DLG2: variants seen among roughly 807,000 people sequenced by gnomAD.
DLG2 encodes disks large homolog 2.
In DLG2, 45 loss-of-function variants were observed where a neutral mutation model predicts 132.5. The ratio of observed to expected loss-of-function variants is 0.34; its 90% CI spans 0.27 to 0.44. The LOEUF is 0.44. Among genes scored for constraint, DLG2 ranks in the 20% least tolerant of loss-of-function variants. DLG2 has a pLI of 1.00. For missense variants in DLG2, 1,045 were observed against 1,196.9 expected, an observed-to-expected ratio of 0.87 and a Z score of 1.87; for synonymous variants, 424 against 419.6, an observed-to-expected ratio of 1.01 and a Z score of -0.13.
chr11:85,416,513 A>C (rs920597470), intron 3 of DLG2, among the ~76,000 whole-genome samples: 1 of 152,172 alleles, frequency 6.6e-6, no homozygotes, highest in African/African-American at 2.4e-5. Flanking sequence ...ATAGCATTGA[A>C]TCTGTAAGTA....
intron 3 of DLG2, among the ~76,000 whole-genome samples, chr11:85,475,252 C>G (rs2093105617): frequency 2.0e-5 from 3 of 151,608 alleles, no homozygotes; most frequent in Admixed American, 6.6e-5. Context: ...CAAGATAAAA[C>G]AGAGCAAAAC....
intron 6 of DLG2, among the ~76,000 whole-genome samples, chr11:84,643,364 G>A (rs1027349986): frequency 3.3e-5 from 5 of 152,184 alleles, no homozygotes; most frequent in African/African-American, 9.7e-5. Context: ...AGAGAGAGCA[G>A]TTATAACCAT....
chr11:85,610,776 G>C (rs1470976560), intron 2 of DLG2, among the ~76,000 whole-genome samples: 1 of 152,198 alleles, frequency 6.6e-6, no homozygotes, highest in African/African-American at 2.4e-5. Flanking sequence ...CTTAATCTTA[G>C]CCAGAGGGGC....
At chr11:85,246,211 G>A (rs2076128298) in intron 4 of DLG2, among the ~76,000 whole-genome samples, 2 of 151,720 alleles carry the variant, frequency 1.3e-5, no homozygotes, top group Non-Finnish European at 2.9e-5. Context: ...AAATATTGAA[G>A]AACTCAAAAA....
chr11:84,068,623 A>G (rs79393914), intron 10 of DLG2, among the ~76,000 whole-genome samples: 3,877 of 152,336 alleles, frequency 0.025, 162 homozygotes, highest in African/African-American at 0.088. Flanking sequence ...ATAAACACAT[A>G]CATTTTAGTA....
chr11:83,673,963 C>T (rs2077269385), intron 18 of DLG2, among the ~76,000 whole-genome samples: 2 of 152,232 alleles, frequency 1.3e-5, no homozygotes, highest in African/African-American at 4.8e-5. Context: ...TCAAATATCT[C>T]CTTTACCACT....
intron 7 of DLG2, among the ~76,000 whole-genome samples, chr11:84,415,034 C>T (rs996315129): frequency 1.3e-5 from 2 of 152,078 alleles, no homozygotes; most frequent in Non-Finnish European, 2.9e-5. Flanking sequence ...TCCTGAATTC[C>T]TCTAGCAAGG....
At chr11:84,995,524 C>T (rs1437203355) in intron 6 of DLG2, among the ~76,000 whole-genome samples, 1 of 152,298 alleles carries the variant, frequency 6.6e-6, no homozygotes, top group East Asian at 1.9e-4. Context: ...CGTGGCCTTG[C>T]ATGTCTTCTT....
At chr11:84,117,491 C>G (rs2154198164) in intron 9 of DLG2, among the ~76,000 whole-genome samples, 1 of 152,316 alleles carries the variant, frequency 6.6e-6, no homozygotes, top group Admixed American at 6.5e-5. Context: ...CCAACTCCTA[C>G]TTATAGATTC....
At chr11:84,587,729 T>G (rs1438234184) in intron 6 of DLG2, among the ~76,000 whole-genome samples, 1 of 152,214 alleles carries the variant, frequency 6.6e-6, no homozygotes, top group African/African-American at 2.4e-5. Context: ...AAAATACTCC[T>G]AGAATTTAGC....
At chr11:85,393,167 T>C (rs1400253333) in intron 3 of DLG2, among the ~76,000 whole-genome samples, 2 of 152,050 alleles carry the variant, frequency 1.3e-5, no homozygotes, top group Non-Finnish European at 1.5e-5. Context: ...GCAAAGGACA[T>C]GAATAAATAA....
At chr11:84,094,801 G>T (rs980552183) in intron 10 of DLG2, among the ~76,000 whole-genome samples, 1 of 152,028 alleles carries the variant, frequency 6.6e-6, no homozygotes, top group Non-Finnish European at 1.5e-5. Context: ...AATTTTGGGA[G>T]GATACAAATA....
At chr11:85,417,816 T>C (rs1417528635) in intron 3 of DLG2, among the ~76,000 whole-genome samples, 1 of 152,190 alleles carries the variant, frequency 6.6e-6, no homozygotes. Context: ...ATTGTGTCTA[T>C]TATATTCTTC....
chr11:85,589,013 G>A (rs1017819408), intron 3 of DLG2, among the ~76,000 whole-genome samples: 13 of 152,140 alleles, frequency 8.5e-5, no homozygotes, highest in Non-Finnish European at 1.9e-4. Flanking sequence ...ACAGTCCTGT[G>A]ATGCGATCCA....
intron 17 of DLG2, among the ~76,000 whole-genome samples, chr11:83,809,473 A>G (rs2046725528): frequency 6.6e-6 from 1 of 152,170 alleles, no homozygotes; most frequent in Admixed American, 6.5e-5. Flanking sequence ...TTCAAAATCC[A>G]CTTGTTCCTG....
chr11:84,633,610 T>A (rs1023482725), intron 6 of DLG2, among the ~76,000 whole-genome samples: 9 of 146,640 alleles, frequency 6.1e-5, no homozygotes, highest in Non-Finnish European at 1.1e-4. Context: ...GTATTATGAC[T>A]ATTTAAAAAA....
At chr11:85,221,081 C>T (rs904241191) in intron 4 of DLG2, among the ~76,000 whole-genome samples, 9 of 150,436 alleles carry the variant, frequency 6.0e-5, no homozygotes, top group African/African-American at 2.2e-4. Flanking sequence ...CTCACTCTGT[C>T]GCCCAGGCTG....
rs56043190 is a variant in DLG2 at position 85,104,872 on chromosome 11, C to CAAAA, written c.357+6785_357+6788dup. Among the ~76,000 whole-genome samples, 6 of 56,044 alleles carry CAAAA rather than the reference C, an allele frequency of 1.1e-4. 1 individual carries two copies. The highest frequency in any genetic ancestry group is 2.9e-4 in the Admixed American group (1 of 3,464). The allele number at this position is 56,044 out of a possible 152,430, so 36.8% of individuals were successfully genotyped here. A position where few individuals can be genotyped will look rare whatever the true frequency, so the allele number is the denominator to read the frequency against. On this transcript the variant is annotated intron_variant, in intron 6 of 27. Coordinates refer to ENST00000376104, the MANE Select transcript of DLG2 (RefSeq NM_001142699.3). ...TTCTATTAGATCTTTGGCTGAATGG[C>CAAAA]AAAAAAAAAAAAAAAAAAAAAAAAA...
chr11:83,694,259 A>G (rs1592582435), intron 18 of DLG2, among the ~76,000 whole-genome samples: 1 of 152,218 alleles, frequency 6.6e-6, no homozygotes, highest in Non-Finnish European at 1.5e-5. Flanking sequence ...GAGAATCTAG[A>G]AAGTCCAAAG....
Sources: allele counts gnomAD v4.1 joint callset (sites outside exome capture counted in the v4.1 genomes callset), GRCh38; gene constraint gnomAD v4.1.1; transcripts MANE v1.5; gene names NCBI Gene and HGNC (gene_info 2026-07-23, HGNC 2026-07-21).